RBFOX1: variants seen among roughly 807,000 people sequenced by gnomAD.
RBFOX1 encodes RNA binding fox-1 homolog 1.
A neutral mutation model predicts 57.7 loss-of-function variants in RBFOX1; 8 were observed. The ratio of observed to expected loss-of-function variants is 0.14; its 90% CI spans 0.08 to 0.25. The LOEUF (loss-of-function observed/expected upper bound fraction) is 0.25, where lower values mean the gene tolerates loss of function less well. Ranked by LOEUF, RBFOX1 falls within the 10% of genes least tolerant of loss-of-function variation. The pLI, the probability that RBFOX1 is intolerant of heterozygous loss-of-function variation, is 1.00. For missense variants in RBFOX1, 611 were observed against 548.5 expected (o/e 1.11, Z -1.14); for synonymous variants, 326 against 222.4 (o/e 1.47, Z -4.15).
chr16:6,449,129 G>A (rs377643332), intron 2 of RBFOX1, among the ~76,000 whole-genome samples: 2 of 152,138 alleles, frequency 1.3e-5, no homozygotes, highest in African/African-American at 2.4e-5. Context: ...ATGACCCTTC[G>A]CTAATCACAG....
chr16:7,601,438 C>T lies in RBFOX1; in HGVS notation c.622+4007C>T, dbSNP rs545011334. ...TTCAATATTAAGTCATCATATTATT[C>T]CTTTATTGTCATGGGTAGTTGAATT... On this transcript the variant is annotated intron_variant, in intron 9 of 15. Coordinates refer to ENST00000550418, the MANE Select transcript of RBFOX1 (RefSeq NM_018723.4). Among the ~76,000 whole-genome samples the T allele has an allele frequency of 5.9e-5, 9 of 152,222 alleles. No homozygotes were observed. The East Asian group carries it at 1.5e-3, about 26-fold the overall frequency.
chr16:5,252,406 A>T (rs978375921), intron 1 of RBFOX1, among the ~76,000 whole-genome samples: 3 of 152,196 alleles, frequency 2.0e-5, no homozygotes, highest in African/African-American at 7.2e-5. Flanking sequence ...CTGCAATTCA[A>T]GTTTAACTGG....
intron 2 of RBFOX1, among the ~76,000 whole-genome samples, chr16:5,548,174 A>ATATATATATATATATATATATAT (rs1282445806): frequency 3.0e-5 from 1 of 33,570 alleles, no homozygotes; most frequent in African/African-American, 8.0e-5. Context: ...AAAAAAAAAA[A>ATATATATATATATATATATATAT]ATATATATAT....
chr16:5,970,356 G>A (rs1033649092), intron 4 of RBFOX1, among the ~76,000 whole-genome samples: 10 of 151,980 alleles, frequency 6.6e-5, no homozygotes, highest in East Asian at 3.9e-4. Context: ...TATTAAACAC[G>A]TGTTTCTGGT....
chr16:5,617,557 A>C (rs147189322), intron 3 of RBFOX1, among the ~76,000 whole-genome samples: 98 of 152,338 alleles, frequency 6.4e-4, no homozygotes, highest in African/African-American at 2.3e-3. Context: ...CTAGCACAGC[A>C]TTGTGGAAAA....
At chr16:7,243,461 G>T (rs13334361) in intron 4 of RBFOX1, among the ~76,000 whole-genome samples, 30 of 152,322 alleles carry the variant, frequency 2.0e-4, no homozygotes, top group African/African-American at 5.8e-4. Flanking sequence ...GTTTGTAGGT[G>T]AAGAAACTGA....
chr16:7,521,043 G>GA (rs560557667), intron 5 of RBFOX1, among the ~76,000 whole-genome samples: 2 of 152,166 alleles, frequency 1.3e-5, no homozygotes, highest in Non-Finnish European at 2.9e-5. Flanking sequence ...ATGTCTTAAG[G>GA]AAAATATGGG....
At chr16:5,930,887 A>G (rs1438621253) in intron 4 of RBFOX1, among the ~76,000 whole-genome samples, 1 of 111,272 alleles carries the variant, frequency 9.0e-6, no homozygotes, top group African/African-American at 3.5e-5. Flanking sequence ...GGTAGGTGGG[A>G]GGGTGGATGG....
intron 4 of RBFOX1, among the ~76,000 whole-genome samples, chr16:7,397,823 G>A (rs748849918): frequency 6.6e-6 from 1 of 152,068 alleles, no homozygotes; most frequent in Admixed American, 6.6e-5. Context: ...TCTTGTCCAC[G>A]TCCCAAGCTG....
rs562200479 is a variant in RBFOX1 at position 7,228,935 on chromosome 16, G to A, written c.27+176837G>A. On this transcript the variant is annotated intron_variant, in intron 4 of 15. Transcript: ENST00000550418. Reference sequence around the variant, plus strand: ...GAAGATGGATGCATTGGGGTAGAGAGTATAATAATATTACAAGGCTTTATA... The same window carrying A: ...GAAGATGGATGCATTGGGGTAGAGAATATAATAATATTACAAGGCTTTATA... Among the ~76,000 whole-genome samples the A allele has an allele frequency of 5.3e-5, 8 of 152,242 alleles. No homozygotes were observed. The South Asian group carries it at 1.5e-3, about 28-fold the overall frequency.
intron 2 of RBFOX1, among the ~76,000 whole-genome samples, chr16:5,582,572 T>TTTTTTTTTTTTTTTTTG (rs369563835): frequency 9.4e-6 from 1 of 106,058 alleles, no homozygotes. Flanking sequence ...TTTTTTTTTT[T>TTTTTTTTTTTTTTTTTG]AAACGGAGTC....
At chr16:6,089,809 T>A (rs2096144686) in intron 1 of RBFOX1, among the ~76,000 whole-genome samples, 1 of 152,218 alleles carries the variant, frequency 6.6e-6, no homozygotes, top group African/African-American at 2.4e-5. Context: ...GAGTAGTTCC[T>A]AAGACACCAT....
intron 4 of RBFOX1, among the ~76,000 whole-genome samples, chr16:7,137,666 A>G (rs2072416456): frequency 6.6e-6 from 1 of 152,204 alleles, no homozygotes; most frequent in South Asian, 2.1e-4. Context: ...ACCTCAGATT[A>G]GGGGCAAGCT....
At chr16:5,988,233 C>G (rs938493536) in intron 4 of RBFOX1, among the ~76,000 whole-genome samples, 2 of 152,114 alleles carry the variant, frequency 1.3e-5, no homozygotes. Flanking sequence ...GTCTTTTCCC[C>G]CTCACTAATA....
At chr16:7,223,548 G>A (rs961649126) in intron 4 of RBFOX1, among the ~76,000 whole-genome samples, 2 of 152,024 alleles carry the variant, frequency 1.3e-5, no homozygotes, top group African/African-American at 4.8e-5. Flanking sequence ...ATTTTCAGGG[G>A]CATTTGCACA....
chr16:5,914,695 G>C (rs989436076), intron 4 of RBFOX1, among the ~76,000 whole-genome samples: 1 of 152,150 alleles, frequency 6.6e-6, no homozygotes, highest in African/African-American at 2.4e-5. Context: ...AGGAGATTGA[G>C]ACCATCCTGG....
At chr16:6,204,432 CT>C (rs2097239679) in intron 1 of RBFOX1, among the ~76,000 whole-genome samples, 2 of 152,086 alleles carry the variant, frequency 1.3e-5, no homozygotes. Flanking sequence ...GGCCTAGAAG[CT>C]TCTGAACTTG....
At chr16:6,265,569 C>T (rs1413881799) in intron 1 of RBFOX1, among the ~76,000 whole-genome samples, 9 of 152,118 alleles carry the variant, frequency 5.9e-5, no homozygotes, top group Admixed American at 4.6e-4. Flanking sequence ...GCCAGTTTGA[C>T]ATTTTGCATA....
chr16:5,743,450 T>C (rs1389213311), intron 3 of RBFOX1, among the ~76,000 whole-genome samples: 1 of 152,180 alleles, frequency 6.6e-6, no homozygotes, highest in Admixed American at 6.5e-5. Context: ...TAAAGGAACA[T>C]AGTACCTACA....
Sources: gnomAD v4.1 joint callset for allele counts (sites outside exome capture counted in the v4.1 genomes callset) on GRCh38, gnomAD v4.1.1 for gene constraint, MANE v1.5 for transcripts, NCBI Gene and HGNC (gene_info 2026-07-23, HGNC 2026-07-21) for gene names.